The following TFDP2 variants were observed in gnomAD, a reference collection of about 807,000 sequenced individuals.
TFDP2 encodes the protein transcription factor Dp-2.
In TFDP2, 17 loss-of-function variants were observed where a neutral mutation model predicts 59.3. The ratio of observed to expected loss-of-function variants is 0.29; its 90% CI spans 0.20 to 0.43. The LOEUF (loss-of-function observed/expected upper bound fraction) is 0.43, where lower values mean the gene tolerates loss of function less well. Among genes scored for constraint, TFDP2 ranks in the 20% least tolerant of loss-of-function variants. The pLI, the probability that TFDP2 is intolerant of heterozygous loss-of-function variation, is 1.00. For missense variants in TFDP2, 391 were observed against 528.8 expected (o/e 0.74, Z 2.56); for synonymous variants, 180 against 194.7 (o/e 0.92, Z 0.63).
intron 3 of TFDP2, among the ~76,000 whole-genome samples, chr3:142,033,093 C>G (rs1007175111): frequency 3.3e-5 from 5 of 151,904 alleles, no homozygotes; most frequent in African/African-American, 1.2e-4. Context: ...TACTTGGGAG[C>G]CTGAGGCAGG....
chr3:142,119,237 A>G (rs1451831070), intron 1 of TFDP2, among the ~76,000 whole-genome samples: 1 of 152,200 alleles, frequency 6.6e-6, no homozygotes, highest in Non-Finnish European at 1.5e-5. Context: ...ATCCTACCAG[A>G]TATTTGAGAA....
intron 3 of TFDP2, among the ~76,000 whole-genome samples, chr3:142,056,266 A>G (rs2059740421): frequency 6.7e-6 from 1 of 149,924 alleles, no homozygotes; most frequent in Admixed American, 6.7e-5. Flanking sequence ...AGTACCTATT[A>G]TAGGTCAAGC....
intron 3 of TFDP2, among the ~76,000 whole-genome samples, chr3:142,025,476 T>C (rs986088970): frequency 6.6e-6 from 1 of 152,242 alleles, no homozygotes; most frequent in Non-Finnish European, 1.5e-5. Context: ...AAGTAACTTA[T>C]TGTCATGTCT....
intron 3 of TFDP2, among the ~76,000 whole-genome samples, chr3:142,072,637 CA>C (rs1332738455): frequency 6.6e-6 from 1 of 152,068 alleles, no homozygotes; most frequent in East Asian, 1.9e-4. Context: ...AAGGAAGTAT[CA>C]AAAACAAACA....
Position 142,115,285 on chromosome 3 carries a change from T to C in TFDP2, c.-92-13444A>G, listed in dbSNP as rs1227840369. On this transcript the variant is annotated intron_variant, in intron 1 of 12. Transcript: ENST00000489671. ...TTCATTGTTATCAGTTTGGTAAATA[T>C]CCTTGCACAGAGCTCATTCCACGCA... Among the ~76,000 whole-genome samples the C allele has an allele frequency of 3.3e-5, 5 of 151,778 alleles. No homozygotes were observed. In the South Asian group the frequency reaches 8.4e-4, roughly 25 times the overall value.
In TFDP2 at chr3:141,974,112, T is replaced by A; in HGVS notation, c.599A>T (p.Glu200Val). 1 of 1,613,478 alleles carries A rather than the reference T, an allele frequency of 6.2e-7. No homozygotes were observed. Among genetic ancestry groups the A allele is most frequent in the Non-Finnish European group, 8.5e-7 (1 of 1,179,736 alleles). ...VLMAMNIISK[E>V]KKEIKWIGLP... ...GCCAATCCACTTGATTTCTTTTTTTTCCTTTGAAATTATGTTCATTGCCAT... is the reference window on the plus strand; with the variant it reads ...GCCAATCCACTTGATTTCTTTTTTTACCTTTGAAATTATGTTCATTGCCAT... The change falls in exon 8 of 13, where the codon GAA (glutamate) becomes GTA (valine). Residue 200 changes from glutamate (E) to valine (V), a missense_variant. Coordinates refer to ENST00000489671, the MANE Select transcript of TFDP2 (RefSeq NM_001178139.2).
intron 3 of TFDP2, among the ~76,000 whole-genome samples, chr3:142,014,981 C>G (rs11716148): frequency 0.07 from 10,589 of 152,254 alleles, 471 homozygotes; most frequent in Non-Finnish European, 0.11. Context: ...CCCCACAATT[C>G]CACTGAAATT....
At chr3:142,034,927 C>T (rs1426522981) in intron 3 of TFDP2, among the ~76,000 whole-genome samples, 1 of 151,804 alleles carries the variant, frequency 6.6e-6, no homozygotes, top group Non-Finnish European at 1.5e-5. Flanking sequence ...AAGATGGTCC[C>T]GATCTCCTGA....
At position 141,982,525 on chromosome 3, in the gene TFDP2, T is replaced by G. The variant is rs567963951; in HGVS notation, c.357-3843A>C. Among the ~76,000 whole-genome samples the G allele has an allele frequency of 2.0e-5, 3 of 152,228 alleles. No individual in the cohort carries two copies. The East Asian group carries it at 5.8e-4, about 29-fold the overall frequency. On this transcript the variant is annotated intron_variant, in intron 6 of 12. Transcript: ENST00000489671. ...AACTCACTACCTTCAGGCCAGCCAG[T>G]TACATACTTTTGAAAAGCCAAGAGT...
intron 9 of TFDP2, among the ~76,000 whole-genome samples, chr3:141,967,297 T>G (rs1199905255): frequency 1.4e-5 from 2 of 144,578 alleles, no homozygotes; most frequent in African/African-American, 5.0e-5. Flanking sequence ...AGTTTTTTGT[T>G]TTTTTTTTTT....
At chr3:142,102,224 C>T (rs2061335560) in intron 1 of TFDP2, among the ~76,000 whole-genome samples, 1 of 152,120 alleles carries the variant, frequency 6.6e-6, no homozygotes, top group African/African-American at 2.4e-5. Context: ...ATGATGGAGA[C>T]ATGTCAAAAG....
chr3:142,138,258 TCTCTC>T (rs1389410576), intron 1 of TFDP2, among the ~76,000 whole-genome samples: 2 of 152,054 alleles, frequency 1.3e-5, no homozygotes, highest in Non-Finnish European at 2.9e-5. Context: ...ACTTGATTCT[TCTCTC>T]CTCTTTATTA....
chr3:141,963,978 A>T lies in TFDP2; in HGVS notation c.733-15T>A, dbSNP rs1465378610. ...AAAGCGATTTGCTGTAATGATCAAT[A>T]AAAACAATATGGTCAATTGTGCATA... On this transcript the variant is annotated splice_polypyrimidine_tract_variant and intron_variant, in intron 9 of 12. Coordinates refer to ENST00000489671, the MANE Select transcript of TFDP2 (RefSeq NM_001178139.2). 6.2e-7 allele frequency: 1 copy of T among 1,611,326 alleles called. No homozygotes were observed. Among genetic ancestry groups the T allele is most frequent in the Non-Finnish European group, 8.5e-7 (1 of 1,178,890 alleles).
At chr3:142,098,224 G>A (rs1415974350) in intron 2 of TFDP2, among the ~76,000 whole-genome samples, 2 of 147,810 alleles carry the variant, frequency 1.4e-5, no homozygotes, top group Non-Finnish European at 1.5e-5. Context: ...TTTCCATAAT[G>A]AGTATTACAG....
chr3:141,968,314 T>C (rs1576491602), intron 9 of TFDP2, among the ~76,000 whole-genome samples: 1 of 98,608 alleles, frequency 1.0e-5, no homozygotes, highest in African/African-American at 3.1e-5. Context: ...TATATATAAC[T>C]ATATATAACA....
At position 142,028,383 on chromosome 3, in the gene TFDP2, A is replaced by G. The variant is rs558950251; in HGVS notation, c.83-22839T>C. On this transcript the variant is annotated intron_variant, in intron 3 of 12. Transcript: ENST00000489671. The stretch of plus-strand genomic sequence containing the variant: ...ATTTATATAAGTAACTGAGTAATAA[A>G]CTAATTCTTCCCCTCCCCCCCCACC... 2.2e-4 allele frequency among the ~76,000 whole-genome samples: 34 copies of G among 151,910 alleles called. No individual in the cohort carries two copies. In the South Asian group the frequency reaches 6.6e-3, roughly 30 times the overall value.
At chr3:142,021,982 C>G (rs1396743133) in intron 3 of TFDP2, among the ~76,000 whole-genome samples, 1 of 152,092 alleles carries the variant, frequency 6.6e-6, no homozygotes, top group Non-Finnish European at 1.5e-5. Flanking sequence ...AATCTTTTTT[C>G]TGTTAGCATA....
intron 7 of TFDP2, among the ~76,000 whole-genome samples, chr3:141,977,107 T>TATATATA (rs1491255094): frequency 0.02 from 1,749 of 86,148 alleles, 16 homozygotes; most frequent in Non-Finnish European, 0.028. Flanking sequence ...TATATATATA[T>TATATATA]TTTTTTTTTT....
chr3:142,116,725 C>G (rs552262429), intron 1 of TFDP2, among the ~76,000 whole-genome samples: 3 of 152,270 alleles, frequency 2.0e-5, no homozygotes, highest in African/African-American at 7.2e-5. Flanking sequence ...AGTTTTTTCT[C>G]TGTTTCCTTT....
Sources: gnomAD v4.1 joint callset for allele counts (sites outside exome capture counted in the v4.1 genomes callset) on GRCh38, gnomAD v4.1.1 for gene constraint, MANE v1.5 for transcripts, NCBI Gene and HGNC (gene_info 2026-07-23, HGNC 2026-07-21) for gene names.